Variants in LIPC observed in about 807,000 individuals in gnomAD.
LIPC encodes hepatic triacylglycerol lipase.
LIPC carries 44 observed loss-of-function variants against 50.7 expected under a neutral mutation model. The observed-to-expected ratio is 0.87, with a 90% CI of 0.68 to 1.11. LIPC has a LOEUF of 1.11. LIPC is among the 50% of genes most tolerant of loss of function. The pLI, the probability that LIPC is intolerant of heterozygous loss-of-function variation, is 0.00. For synonymous variants in LIPC, 271 were observed against 256.4 expected, an observed-to-expected ratio of 1.06 and a Z score of -0.54; for missense variants, 697 against 648.2, an observed-to-expected ratio of 1.08 and a Z score of -0.82.
chr15:58,552,468 C>T (rs969769022), intron 6 of LIPC, among the ~76,000 whole-genome samples: 1 of 152,216 alleles, frequency 6.6e-6, no homozygotes, highest in African/African-American at 2.4e-5. Flanking sequence ...TCTCTGCCCT[C>T]CTTCCACACT....
In LIPC at chr15:58,467,738, C is replaced by A. The variant is rs138915185; in HGVS notation, c.88+35618C>A. ...TGGAAACTTCCCACTCTGCTCATAT[C>A]TGAATTGGTATTTGCTCACTGTTGC... On this transcript the variant is annotated intron_variant, in intron 1 of 8. Coordinates refer to ENST00000299022, the MANE Select transcript of LIPC (RefSeq NM_000236.3). Among the ~76,000 whole-genome samples, 13 of 152,340 alleles carry A rather than the reference C, an allele frequency of 8.5e-5. 1 individual carries two copies. The highest frequency in any genetic ancestry group is 3.1e-4 in the African/African-American group (13 of 41,578).
intron 1 of LIPC, among the ~76,000 whole-genome samples, chr15:58,462,496 C>T (rs1490139230): frequency 6.6e-6 from 1 of 152,216 alleles, no homozygotes; most frequent in Non-Finnish European, 1.5e-5. Context: ...CTTAATCCAT[C>T]CAATTGGTTT....
intron 1 of LIPC, among the ~76,000 whole-genome samples, chr15:58,461,642 T>A (rs1294624593): frequency 6.6e-6 from 1 of 151,740 alleles, no homozygotes; most frequent in Non-Finnish European, 1.5e-5. Context: ...GGTCTCGAAC[T>A]CCTGACCTCA....
intron 1 of LIPC, among the ~76,000 whole-genome samples, chr15:58,434,014 T>C (rs1172398695): frequency 6.6e-6 from 1 of 151,998 alleles, no homozygotes; most frequent in Non-Finnish European, 1.5e-5. Flanking sequence ...CACCAATGGT[T>C]CTCAACAGGG....
chr15:58,523,605 G>C (rs1892717161), intron 1 of LIPC, among the ~76,000 whole-genome samples: 1 of 5,478 alleles, frequency 1.8e-4, no homozygotes, highest in Non-Finnish European at 1.2e-3. Context: ...GAAACAAGCT[G>C]GGATTTTTTT....
chr15:58,506,248 T>TG (rs1486524462), intron 1 of LIPC, among the ~76,000 whole-genome samples: 1 of 152,108 alleles, frequency 6.6e-6, no homozygotes, highest in Non-Finnish European at 1.5e-5. Context: ...ATGACACCCT[T>TG]GGGGCAAGGG....
At chr15:58,468,540 A>AGATG (rs1327245328) in intron 1 of LIPC, among the ~76,000 whole-genome samples, 4 of 152,216 alleles carry the variant, frequency 2.6e-5, no homozygotes, top group Non-Finnish European at 5.9e-5. Flanking sequence ...CGCCCACTCG[A>AGATG]GATGGATGGT....
intron 1 of LIPC, among the ~76,000 whole-genome samples, chr15:58,536,073 A>C (rs1482279293): frequency 6.6e-6 from 1 of 152,202 alleles, no homozygotes; most frequent in Non-Finnish European, 1.5e-5. Context: ...TGGATAAATA[A>C]ATCACCCCGC....
At chr15:58,446,633 G>A (rs768873651) in intron 1 of LIPC, among the ~76,000 whole-genome samples, 13 of 152,038 alleles carry the variant, frequency 8.6e-5, no homozygotes, top group Non-Finnish European at 1.8e-4. Context: ...ATGGCCTCTT[G>A]CGGACCTCTC....
At chr15:58,538,025 C>T (rs915960336) in intron 1 of LIPC, among the ~76,000 whole-genome samples, 3 of 152,136 alleles carry the variant, frequency 2.0e-5, no homozygotes, top group Non-Finnish European at 2.9e-5. Flanking sequence ...GCTTATCCAC[C>T]GAGCCTCCAA....
intron 1 of LIPC, among the ~76,000 whole-genome samples, chr15:58,458,484 C>T (rs1347011288): frequency 1.3e-5 from 2 of 152,224 alleles, no homozygotes; most frequent in African/African-American, 4.8e-5. Context: ...TCATTCCCAG[C>T]TCTTTCCTCC....
intron 4 of LIPC, 36 bp from the exon 5 acceptor site, chr15:58,545,706 G>A: frequency 2.6e-6 from 4 of 1,564,062 alleles, no homozygotes; most frequent in Non-Finnish European, 3.5e-6. Flanking sequence ...CCCTCTCCTT[G>A]CTCCTGCGTA....
chr15:58,545,787 A>T lies in LIPC; in HGVS notation c.620A>T (p.Asn207Ile). The T allele has an allele frequency of 6.2e-7, 1 of 1,614,202 alleles. No homozygotes were observed. Among genetic ancestry groups the T allele is most frequent in the South Asian group, 1.1e-5 (1 of 91,080 alleles). ...GPLFEGSAPS[N>I]RLSPDDANFV... ...TTGTTTGAGGGAAGTGCCCCCAGCA[A>T]TCGTCTTTCTCCAGATGATGCCAAT... Residue 207 changes from asparagine (N) to isoleucine (I), a missense_variant, in exon 5 of 9, where the codon AAT becomes ATT. Transcript: ENST00000299022.
Position 58,449,500 on chromosome 15 carries a change from G to A in LIPC, c.88+17380G>A, listed in dbSNP as rs375175676. Among the ~76,000 whole-genome samples, 545 of 152,026 alleles carry A rather than the reference G, an allele frequency of 3.6e-3. 1 individual carries two copies. Among genetic ancestry groups the A allele is most frequent in the African/African-American group, 0.013 (524 of 41,450 alleles). ...TTGCTATTTACTTTGAAAGATAAAT[G>A]TGGCTTTGTAATCCATGCAGGTTGC... is the stretch of plus-strand genomic sequence containing the variant. On this transcript the variant is annotated intron_variant, in intron 1 of 8. Transcript: ENST00000299022.
At chr15:58,461,072 C>T (rs565253208) in intron 1 of LIPC, among the ~76,000 whole-genome samples, 7 of 152,196 alleles carry the variant, frequency 4.6e-5, no homozygotes, top group East Asian at 1.9e-4. Flanking sequence ...GAGGTGAGGA[C>T]GGCAGTTCTC....
chr15:58,516,769 T>C (rs1038066865), intron 1 of LIPC, among the ~76,000 whole-genome samples: 1 of 152,254 alleles, frequency 6.6e-6, no homozygotes, highest in Non-Finnish European at 1.5e-5. Context: ...ACTGTTTTAA[T>C]GTTCTTGTGG....
intron 1 of LIPC, among the ~76,000 whole-genome samples, chr15:58,474,362 ACAAAATTT>A (rs1890910114): frequency 6.6e-6 from 1 of 152,130 alleles, no homozygotes; most frequent in Non-Finnish European, 1.5e-5. Context: ...ACAAAAAAAT[ACAAAATTT>A]AGCTGGGCTT....
Position 58,469,113 on chromosome 15 carries a change from T to TGTGTGTGTGG in LIPC, c.88+37002_88+37003insGGTGTGTGTG, listed in dbSNP as rs1314075495. ...CTTCAGGGAACATTTTGTGTGTGTG[T>TGTGTGTGTGG]GTGTGTGTGTGTGTGTGTGTGTGTG... On this transcript the variant is annotated intron_variant, in intron 1 of 8. Coordinates refer to ENST00000299022, the MANE Select transcript of LIPC (RefSeq NM_000236.3). Among the ~76,000 whole-genome samples, 3 of 145,680 alleles carry TGTGTGTGTGG rather than the reference T, an allele frequency of 2.1e-5. No homozygotes were observed. The East Asian group carries it at 6.1e-4, about 30-fold the overall frequency.
intron 1 of LIPC, among the ~76,000 whole-genome samples, chr15:58,437,924 A>G (rs1893363289): frequency 1.3e-5 from 2 of 152,142 alleles, no homozygotes; most frequent in Non-Finnish European, 2.9e-5. Context: ...GGTCCTGCTG[A>G]AAGGTCCACC....
Sources: gnomAD v4.1 joint callset for allele counts (sites outside exome capture counted in the v4.1 genomes callset) on GRCh38, gnomAD v4.1.1 for gene constraint, MANE v1.5 for transcripts, NCBI Gene and HGNC (gene_info 2026-07-23, HGNC 2026-07-21) for gene names.